The following NUDT7 variants were observed in gnomAD, a reference collection of about 807,000 sequenced individuals.
NUDT7 encodes the protein peroxisomal coenzyme A diphosphatase NUDT7.
In NUDT7, 19 loss-of-function variants were observed where a neutral mutation model predicts 13.1. The ratio of observed to expected loss-of-function variants is 1.45; its 90% confidence interval spans 1.01 to 2.13. NUDT7 has a LOEUF of 2.13. Among genes scored for constraint, NUDT7 ranks in the 30% most tolerant of loss-of-function variants. The pLI, the probability that NUDT7 is intolerant of heterozygous loss-of-function variation, is 0.00. For missense variants in NUDT7, 360 were observed against 291.7 expected, an observed-to-expected ratio of 1.23 and a Z score of -1.71; for synonymous variants, 132 against 109.7, an observed-to-expected ratio of 1.20 and a Z score of -1.27.
At chr16:77,723,632 G>A (rs932523915) in intron 1 of NUDT7, among the ~76,000 whole-genome samples, 9 of 130,600 alleles carry the variant, frequency 6.9e-5, no homozygotes, top group South Asian at 4.8e-4. Flanking sequence ...TCACTCTGCC[G>A]CCCTGGCTAC....
chr16:77,735,991 G>C lies in NUDT7; in HGVS notation c.348+5G>C. ...CTGGTGCCATGTCTTATTGATGTAA[G>C]GGTTTCCTGAGACACTCATGAGCAC... On this transcript the variant is annotated splice_donor_5th_base_variant and intron_variant, in intron 3 of 3. Coordinates refer to ENST00000268533, the MANE Select transcript of NUDT7 (RefSeq NM_001105663.3). 6.2e-7 allele frequency: 1 copy of C among 1,613,920 alleles called. No homozygotes were observed. Among genetic ancestry groups the C allele is most frequent in the Non-Finnish European group, 8.5e-7 (1 of 1,179,896 alleles).
Position 77,730,808 on chromosome 16 carries a change from G to A in NUDT7, c.190-5020G>A, listed in dbSNP as rs183290992. Among the ~76,000 whole-genome samples, 181 of 152,002 alleles carry A rather than the reference G, an allele frequency of 1.2e-3. 1 individual carries two copies. The highest frequency in any genetic ancestry group is 4.2e-3 in the African/African-American group (175 of 41,476). On this transcript the variant is annotated intron_variant, in intron 2 of 3. Coordinates refer to ENST00000268533, the MANE Select transcript of NUDT7 (RefSeq NM_001105663.3). Reference sequence around the variant, plus strand: ...TTTTAGATAATGGCCATTCTAAAAGGTGTGACGTAATGTCTCTCTGTGGTT... The same window carrying A: ...TTTTAGATAATGGCCATTCTAAAAGATGTGACGTAATGTCTCTCTGTGGTT...
At chr16:77,736,032 G>C in intron 3 of NUDT7, 46 bp downstream of exon 3, 1 of 1,565,054 alleles carries the variant, frequency 6.4e-7, no homozygotes, top group South Asian at 1.1e-5. Flanking sequence ...CCACCCCCAG[G>C]TGGATCTACT....
intron 2 of NUDT7, chr16:77,735,436 G>A: frequency 1.5e-6 from 1 of 653,684 alleles, no homozygotes; most frequent in South Asian, 1.8e-5. Context: ...CGCCATGATT[G>A]TAAGTTTCCT....
intron 2 of NUDT7, among the ~76,000 whole-genome samples, chr16:77,728,145 T>C (rs2014197736): frequency 6.6e-6 from 1 of 151,988 alleles, no homozygotes; most frequent in South Asian, 2.1e-4. Context: ...TGGTAGGAGA[T>C]TTCCCCCCAG....
Position 77,725,414 on chromosome 16 carries a change from G to C in NUDT7, c.36-17G>C, listed in dbSNP as rs781372904. On this transcript the variant is annotated splice_polypyrimidine_tract_variant and intron_variant, in intron 1 of 3. Transcript: ENST00000268533. Reference sequence around the variant, plus strand: ...CTCTGCTTGCTAAAATGTCTGTCTGGTTTGTTTTTATTTTAGAAACAGTTT... The same window carrying C: ...CTCTGCTTGCTAAAATGTCTGTCTGCTTTGTTTTTATTTTAGAAACAGTTT... 1.7e-5 allele frequency: 27 copies of C among 1,602,116 alleles called. No homozygotes were observed. The highest frequency in any genetic ancestry group is 2.1e-5 in the Non-Finnish European group (25 of 1,172,664).
intron 2 of NUDT7, among the ~76,000 whole-genome samples, chr16:77,732,708 G>T (rs1015435754): frequency 6.6e-6 from 1 of 152,214 alleles, no homozygotes; most frequent in East Asian, 1.9e-4. Flanking sequence ...CCAGGTTTGT[G>T]CAAGTGCACC....
chr16:77,737,777 A>C (rs2014537828), intron 3 of NUDT7, among the ~76,000 whole-genome samples: 1 of 152,048 alleles, frequency 6.6e-6, no homozygotes, highest in African/African-American at 2.4e-5. Flanking sequence ...GAGCCACCAC[A>C]CCCAGCCTTA....
intron 2 of NUDT7, among the ~76,000 whole-genome samples, chr16:77,728,630 G>A (rs2014217368): frequency 6.6e-6 from 1 of 152,206 alleles, no homozygotes; most frequent in Non-Finnish European, 1.5e-5. Context: ...TTCTGAGCCT[G>A]AAAGAGATCT....
chr16:77,729,639 A>G (rs1417095663), intron 2 of NUDT7, among the ~76,000 whole-genome samples: 1 of 152,192 alleles, frequency 6.6e-6, no homozygotes, highest in Non-Finnish European at 1.5e-5. Flanking sequence ...CAGCCTGGCC[A>G]ACATGGTGAA....
rs774755485 is a variant in NUDT7 at position 77,722,551 on chromosome 16, A to G, written c.-32A>G. The G allele has an allele frequency of 6.4e-7, 1 of 1,568,514 alleles. No individual in the cohort carries two copies. Among genetic ancestry groups the G allele is most frequent in the Non-Finnish European group, 8.7e-7 (1 of 1,155,558 alleles). Reference sequence around the variant, plus strand: ...CGCGACCGACCGAGCAGCTCCGAGGAGTCCGCCCGGAAACAAACATTCCCC... The same window carrying G: ...CGCGACCGACCGAGCAGCTCCGAGGGGTCCGCCCGGAAACAAACATTCCCC... On this transcript the variant is annotated 5_prime_UTR_variant, in exon 1 of 4. Coordinates refer to ENST00000268533, the MANE Select transcript of NUDT7 (RefSeq NM_001105663.3).
chr16:77,722,671 C>G (rs2013995491), intron 1 of NUDT7, 54 bp downstream of exon 1: 3 of 1,528,880 alleles, frequency 2.0e-6, no homozygotes, highest in African/African-American at 1.4e-5. Flanking sequence ...CGGCCTTGAT[C>G]GTAGCGGAGG....
At chr16:77,741,049 A>C (rs925545759) in intron 3 of NUDT7, among the ~76,000 whole-genome samples, 5 of 152,230 alleles carry the variant, frequency 3.3e-5, no homozygotes, top group Non-Finnish European at 4.4e-5. Context: ...TTTTCTGTTC[A>C]TAAGTATAGC....
In NUDT7 at chr16:77,735,908, C is replaced by T. The variant is rs921869689; in HGVS notation, c.270C>T (p.Leu90=). The change falls in exon 3 of 4, where the codon CTC becomes CTT. Residue 90 remains leucine, a synonymous_variant. Coordinates refer to ENST00000268533, the MANE Select transcript of NUDT7 (RefSeq NM_001105663.3). ...PTDMDDAATA[L]REAQEEVGLR... is the part of the protein sequence containing the mutation. ...ACATGGATGATGCAGCCACAGCTCTCCGGGAAGCCCAGGAGGAAGTGGGTC... is the reference window on the plus strand; with the variant it reads ...ACATGGATGATGCAGCCACAGCTCTTCGGGAAGCCCAGGAGGAAGTGGGTC... The T allele has an allele frequency of 9.3e-6, 15 of 1,613,918 alleles. No homozygotes were observed. In the Admixed American group the frequency reaches 2.0e-4, roughly 22 times the overall value.
At chr16:77,740,463 G>A (rs548018667) in intron 3 of NUDT7, among the ~76,000 whole-genome samples, 1 of 152,160 alleles carries the variant, frequency 6.6e-6, no homozygotes, top group South Asian at 2.1e-4. Context: ...TCAGCCCCAG[G>A]CCTCCCTCTC....
chr16:77,740,126 G>C (rs769299158), intron 3 of NUDT7, among the ~76,000 whole-genome samples: 24 of 152,072 alleles, frequency 1.6e-4, no homozygotes, highest in Non-Finnish European at 2.8e-4. Context: ...GTAGAATGTT[G>C]CCTCTGCCCT....
intron 2 of NUDT7, among the ~76,000 whole-genome samples, chr16:77,729,507 T>A (rs894291729): frequency 3.3e-5 from 5 of 152,198 alleles, no homozygotes; most frequent in African/African-American, 1.2e-4. Flanking sequence ...ATCATACATA[T>A]TTTCTTCAAA....
At chr16:77,740,492 A>AAAC (rs2014624729) in intron 3 of NUDT7, among the ~76,000 whole-genome samples, 1 of 152,094 alleles carries the variant, frequency 6.6e-6, no homozygotes, top group African/African-American at 2.4e-5. Context: ...CAGTATAACA[A>AAAC]AACAGTCTTT....
At chr16:77,726,273 A>C (rs2014132934) in intron 2 of NUDT7, among the ~76,000 whole-genome samples, 1 of 152,202 alleles carries the variant, frequency 6.6e-6, no homozygotes, top group Admixed American at 6.5e-5. Flanking sequence ...TAACTGCTTC[A>C]TACAGCTGCT....
Sources: allele counts gnomAD v4.1 joint callset (sites outside exome capture counted in the v4.1 genomes callset), GRCh38; gene constraint gnomAD v4.1.1; transcripts MANE v1.5; gene names NCBI Gene and HGNC (gene_info 2026-07-23, HGNC 2026-07-21).